The following PCDHGB4 variants were observed in gnomAD, a reference collection of about 807,000 sequenced individuals.
The protein encoded by PCDHGB4 is protocadherin gamma subfamily B, 4.
A neutral mutation model predicts 60.5 loss-of-function variants in PCDHGB4; 38 were observed. The ratio of observed to expected loss-of-function variants is 0.63; its 90% CI spans 0.48 to 0.82. PCDHGB4 has a LOEUF of 0.82. PCDHGB4 is among the 40% of genes least tolerant of loss of function. PCDHGB4 has a pLI of 0.00. For synonymous variants in PCDHGB4, 456 were observed against 509.7 expected, an observed-to-expected ratio of 0.89 and a Z score of 1.42; for missense variants, 1,109 against 1,209.6, an observed-to-expected ratio of 0.92 and a Z score of 1.23.
intron 1 of PCDHGB4, among the ~76,000 whole-genome samples, chr5:141,463,999 C>A (rs1261262637): frequency 1.3e-5 from 2 of 152,056 alleles, no homozygotes; most frequent in African/African-American, 4.8e-5. Flanking sequence ...GGTGCAGTGG[C>A]TCATGCTTGT....
At chr5:141,498,803 C>T (rs916966107) in intron 2 of PCDHGB4, among the ~76,000 whole-genome samples, 5 of 151,982 alleles carry the variant, frequency 3.3e-5, no homozygotes, top group African/African-American at 1.2e-4. Flanking sequence ...TGTGGTGGTG[C>T]ACACCTGTAG....
chr5:141,466,115 C>A (rs2099117208), intron 1 of PCDHGB4, among the ~76,000 whole-genome samples: 1 of 151,618 alleles, frequency 6.6e-6, no homozygotes, highest in African/African-American at 2.4e-5. Context: ...GAGTGAGACT[C>A]CAGCTCAAAA....
At chr5:141,428,105 G>T in intron 1 of PCDHGB4, 4 of 1,608,184 alleles carry the variant, frequency 2.5e-6, no homozygotes, top group Non-Finnish European at 2.5e-6. Context: ...ACCACGTGCT[G>T]CAGGCCATCG....
At position 141,476,002 on chromosome 5, in the gene PCDHGB4, C is replaced by A; in HGVS notation, c.2398-18805C>A. 1 of 1,247,396 alleles carries A rather than the reference C, an allele frequency of 8.0e-7. No individual in the cohort carries two copies. Among genetic ancestry groups the A allele is most frequent in the Non-Finnish European group, 1.1e-6 (1 of 904,880 alleles). 77.3% of individuals were successfully genotyped at this position (1,247,396 alleles called of 1,614,324 possible). ...AGCCGGCGAGCAAATCAACGGCATC[C>A]AGAAAGCCATGTCGGACTCGGCGCC... On this transcript the variant is annotated intron_variant, in intron 1 of 3. Transcript: ENST00000519479. This position sits in a 1 kb window ranked among gnomAD's most constrained non-coding sequence, Gnocchi z 7.6.
In PCDHGB4 at chr5:141,487,906, AGCACAGGAGGCTACAGT is replaced by A. The variant is rs2099668744; in HGVS notation, c.2398-6893_2398-6877del. ...TGGAAGCATGATGATGGAATGTGGG[AGCACAGGAGGCTACAGT>A]GCACAGGGTACAGTGCACCAGGCAG... On this transcript the variant is annotated intron_variant, in intron 1 of 3. Coordinates refer to ENST00000519479, the MANE Select transcript of PCDHGB4 (RefSeq NM_003736.4). The surrounding 1 kb of genome is among the most constrained non-coding windows in gnomAD (Gnocchi z 5.0). The A allele has an allele frequency of 8.7e-6, 6 of 686,524 alleles. No homozygotes were observed. The East Asian group carries it at 1.6e-4, about 19-fold the overall frequency. The allele number at this position is 686,524 out of a possible 1,614,324, so 42.5% of individuals were successfully genotyped here.
At chr5:141,391,561 G>T (rs2092390304) in intron 1 of PCDHGB4, 2 of 152,026 alleles carry the variant, frequency 1.3e-5, no homozygotes. Flanking sequence ...TTTTCCATAT[G>T]CATAAGAAAA....
Position 141,487,413 on chromosome 5 carries a change from A to G in PCDHGB4, c.2398-7394A>G, listed in dbSNP as rs1562119204. The G allele has an allele frequency of 1.2e-6, 2 of 1,614,172 alleles. No homozygotes were observed. The highest frequency in any genetic ancestry group is 2.2e-5 in the East Asian group (1 of 44,862). ...AGGAGGGAGGGGCTTCCCCCTTCCA[A>G]TGGGATCCTCCGAATCCAGCTAGGG... On this transcript the variant is annotated intron_variant, in intron 1 of 3. Coordinates refer to ENST00000519479, the MANE Select transcript of PCDHGB4 (RefSeq NM_003736.4). This position sits in a 1 kb window ranked among gnomAD's most constrained non-coding sequence, Gnocchi z 5.0.
At chr5:141,510,917 C>A in intron 3 of PCDHGB4, 30 bp from the exon 4 acceptor site, 2 of 1,613,854 alleles carry the variant, frequency 1.2e-6, no homozygotes, top group Non-Finnish European at 8.5e-7. Flanking sequence ...CTAAGTTTAG[C>A]TCCCACCTGA....
intron 1 of PCDHGB4, among the ~76,000 whole-genome samples, chr5:141,462,160 A>T (rs575238638): frequency 4.6e-5 from 7 of 152,122 alleles, no homozygotes; most frequent in Non-Finnish European, 1.0e-4. Flanking sequence ...GGGTTTCATC[A>T]TGTTGGCCAG....
chr5:141,476,756 C>T lies in PCDHGB4; in HGVS notation c.2398-18051C>T. On this transcript the variant is annotated intron_variant, in intron 1 of 3. Transcript: ENST00000519479. The surrounding 1 kb of genome is among the most constrained non-coding windows in gnomAD (Gnocchi z 7.6). ...ACGGGAGCCTAGTCTCCAGTTAGTGCTGACGGCGTTGGACGGAGGGACCCC... is the reference window on the plus strand; with the variant it reads ...ACGGGAGCCTAGTCTCCAGTTAGTGTTGACGGCGTTGGACGGAGGGACCCC... 3 of 1,613,928 alleles carry T rather than the reference C, an allele frequency of 1.9e-6. No homozygotes were observed. Among genetic ancestry groups the T allele is most frequent in the Non-Finnish European group, 2.5e-6 (3 of 1,180,010 alleles).
At chr5:141,484,672 A>G (rs1253641119) in intron 1 of PCDHGB4, among the ~76,000 whole-genome samples, 1 of 151,990 alleles carries the variant, frequency 6.6e-6, no homozygotes, top group African/African-American at 2.4e-5. Flanking sequence ...AGTGGGCCGC[A>G]GGTTGCTAGG....
chr5:141,392,649 C>G, intron 1 of PCDHGB4: 1 of 703,200 alleles, frequency 1.4e-6, no homozygotes, highest in Non-Finnish European at 2.2e-6. Flanking sequence ...CACGAAGACC[C>G]GCAGATGCCA....
At chr5:141,404,861 G>A in intron 1 of PCDHGB4, 1 of 1,613,848 alleles carries the variant, frequency 6.2e-7, no homozygotes, top group Non-Finnish European at 8.5e-7. Context: ...AGATAGAGAT[G>A]CGCTCAAACA....
In PCDHGB4 at chr5:141,489,661, C is replaced by T. The variant is rs756803543; in HGVS notation, c.2398-5146C>T. 36 of 1,614,146 alleles carry T rather than the reference C, an allele frequency of 2.2e-5. 1 individual carries two copies. Among genetic ancestry groups the T allele is most frequent in the South Asian group, 5.5e-5 (5 of 91,090 alleles). ...CTTTGCCACCCCTGAGCGAGAGATG[C>T]GCATCTCAGAATCAGCAGCATCTGG... On this transcript the variant is annotated intron_variant, in intron 1 of 3. Coordinates refer to ENST00000519479, the MANE Select transcript of PCDHGB4 (RefSeq NM_003736.4). The surrounding 1 kb of genome is among the most constrained non-coding windows in gnomAD (Gnocchi z 4.5).
At chr5:141,423,707 G>A in intron 1 of PCDHGB4, 1 of 1,164,238 alleles carries the variant, frequency 8.6e-7, no homozygotes, top group Non-Finnish European at 1.1e-6. Flanking sequence ...CTTGGCACAA[G>A]TCTTTTAAGG....
Position 141,389,843 on chromosome 5 carries a change from G to C in PCDHGB4, c.1959G>C (p.Ser653=), listed in dbSNP as rs372102656. The change falls in exon 1 of 4, where the codon TCG becomes TCC. Residue 653 remains serine (S), a synonymous_variant. Coordinates refer to ENST00000519479, the MANE Select transcript of PCDHGB4 (RefSeq NM_003736.4). ...AVRDGGQPPL[S]ATATLHLVFA... is the part of the protein sequence containing the mutation. The stretch of plus-strand genomic sequence containing the variant: ...GTGACGGTGGACAGCCACCACTCTC[G>C]GCCACTGCCACGTTGCACCTGGTCT... 2.4e-5 allele frequency: 39 copies of C among 1,614,016 alleles called. No homozygotes were observed. The African/African-American group carries it at 4.1e-4, about 17-fold the overall frequency.
At chr5:141,422,806 C>A in intron 1 of PCDHGB4, 1 of 1,614,208 alleles carries the variant, frequency 6.2e-7, no homozygotes, top group Non-Finnish European at 8.5e-7. Flanking sequence ...TGAGCAGTTT[C>A]GAGACTTAGA....
rs572270591 is a variant in PCDHGB4, at chr5:141,397,633, T to C, written c.2397+7352T>C. The stretch of plus-strand genomic sequence containing the variant: ...GGCAATACTTAGTTCTAGCTAAGAG[T>C]TCAAGGTATGTTTGCAGAATGGTGA... On this transcript the variant is annotated intron_variant, in intron 1 of 3. Coordinates refer to ENST00000519479, the MANE Select transcript of PCDHGB4 (RefSeq NM_003736.4). Among the ~76,000 whole-genome samples, 5 of 152,252 alleles carry C rather than the reference T, an allele frequency of 3.3e-5. No homozygotes were observed. In the East Asian group the frequency reaches 9.7e-4, roughly 29 times the overall value.
At chr5:141,439,547 T>C (rs2098120171) in intron 1 of PCDHGB4, among the ~76,000 whole-genome samples, 2 of 152,180 alleles carry the variant, frequency 1.3e-5, no homozygotes, top group Non-Finnish European at 2.9e-5. Context: ...CTCTCATTTC[T>C]TCAGGCTGCA....
Sources: allele counts gnomAD v4.1 joint callset (sites outside exome capture counted in the v4.1 genomes callset), GRCh38; gene constraint gnomAD v4.1.1; non-coding constraint Gnocchi (gnomAD v3.1); transcripts MANE v1.5; gene names NCBI Gene and HGNC (gene_info 2026-07-23, HGNC 2026-07-21).